CFAP20DC: variants seen among roughly 807,000 people sequenced by gnomAD.
CFAP20DC encodes protein CFAP20DC.
CFAP20DC carries 84 observed loss-of-function variants against 101.7 expected under a neutral mutation model. The observed-to-expected ratio is 0.83, with a 90% CI of 0.69 to 0.99. The LOEUF is 0.99. Among genes scored for constraint, CFAP20DC ranks in the 50% least tolerant of loss-of-function variants. The pLI, the probability that CFAP20DC is intolerant of heterozygous loss-of-function variation, is 0.00. For missense variants in CFAP20DC, 1,007 were observed against 970.3 expected, an observed-to-expected ratio of 1.04 and a Z score of -0.50; for synonymous variants, 359 against 351.2, an observed-to-expected ratio of 1.02 and a Z score of -0.25.
intron 16 of CFAP20DC, among the ~76,000 whole-genome samples, chr3:58,746,532 A>C (rs2068217629): frequency 6.6e-6 from 1 of 152,182 alleles, no homozygotes; most frequent in South Asian, 2.1e-4. Flanking sequence ...GGTCTTTATC[A>C]CCCATTTGCA....
chr3:59,018,137 C>T (rs1005554419), intron 4 of CFAP20DC: 1 of 152,056 alleles, frequency 6.6e-6, no homozygotes, highest in Non-Finnish European at 1.5e-5. Flanking sequence ...GGGAGATACC[C>T]AAACAAAGAT....
At chr3:59,031,055 C>T (rs2093985399) in intron 4 of CFAP20DC, among the ~76,000 whole-genome samples, 1 of 151,472 alleles carries the variant, frequency 6.6e-6, no homozygotes, top group Admixed American at 6.6e-5. Context: ...ATCTCCTGAC[C>T]TCGTGATCCA....
chr3:58,803,910 T>C (rs1277785501), intron 15 of CFAP20DC, among the ~76,000 whole-genome samples: 3 of 152,264 alleles, frequency 2.0e-5, no homozygotes, highest in Non-Finnish European at 4.4e-5. Flanking sequence ...AATTATTTCA[T>C]ATTCTATCTT....
chr3:58,735,371 A>T (rs138655947), intron 3 of CFAP20DC, among the ~76,000 whole-genome samples: 1 of 152,344 alleles, frequency 6.6e-6, no homozygotes, highest in Non-Finnish European at 1.5e-5. Flanking sequence ...GTGATCATCA[A>T]CCACATGGGG....
At chr3:58,956,110 G>A (rs1180417039) in intron 4 of CFAP20DC, among the ~76,000 whole-genome samples, 1 of 151,476 alleles carries the variant, frequency 6.6e-6, no homozygotes, top group East Asian at 2.0e-4. Context: ...CCCAGTTGTA[G>A]TGGCTATGGG....
In CFAP20DC at chr3:58,821,745, C is replaced by T. The variant is rs1210347739; in HGVS notation, c.2175+9941G>A. ...TGTGGAAGTCAGTGTGGCGATTCCTCAGGGATCTAGAACTAGAAATACCAT... is the reference window on the plus strand; with the variant it reads ...TGTGGAAGTCAGTGTGGCGATTCCTTAGGGATCTAGAACTAGAAATACCAT... On this transcript the variant is annotated intron_variant, in intron 14 of 16. Coordinates refer to ENST00000482387, the MANE Select transcript of CFAP20DC (RefSeq NM_001394063.1). 9.3e-5 allele frequency among the ~76,000 whole-genome samples: 14 copies of T among 150,796 alleles called. No homozygotes were observed. In the East Asian group the frequency reaches 2.1e-3, roughly 23 times the overall value.
At chr3:58,767,642 C>T (rs1239091536) in intron 15 of CFAP20DC, among the ~76,000 whole-genome samples, 2 of 152,226 alleles carry the variant, frequency 1.3e-5, no homozygotes, top group African/African-American at 4.8e-5. Flanking sequence ...GATTCTCCCA[C>T]CTCAGCCTCC....
intron 16 of CFAP20DC, among the ~76,000 whole-genome samples, chr3:58,743,334 G>A (rs1386969890): frequency 6.6e-6 from 1 of 151,918 alleles, no homozygotes; most frequent in African/African-American, 2.4e-5. Context: ...GTTCAGTGTT[G>A]TGCTAAGTAC....
chr3:58,960,053 T>A (rs531892033), intron 4 of CFAP20DC, among the ~76,000 whole-genome samples: 210 of 152,344 alleles, frequency 1.4e-3, no homozygotes, highest in African/African-American at 4.8e-3. Flanking sequence ...TCTATGGAGT[T>A]GGCATAAAGT....
rs868261316 is a variant in CFAP20DC, at chr3:58,783,675, C to A, written c.2237+22720G>T. On this transcript the variant is annotated intron_variant, in intron 15 of 16. Transcript: ENST00000482387. ...TTTCAAAAGAAGACATACAAACGGC[C>A]AACAGATATATGAAAAAGTACTGAA... 5.3e-5 allele frequency among the ~76,000 whole-genome samples: 8 copies of A among 151,740 alleles called. No homozygotes were observed. The South Asian group carries it at 1.0e-3, about 20-fold the overall frequency.
At chr3:58,939,997 C>T (rs1409035354) in intron 4 of CFAP20DC, among the ~76,000 whole-genome samples, 1 of 152,112 alleles carries the variant, frequency 6.6e-6, no homozygotes, top group Non-Finnish European at 1.5e-5. Context: ...GAACTACTGA[C>T]CTCAGGTGAT....
chr3:58,945,635 T>C (rs1465217331), intron 4 of CFAP20DC, among the ~76,000 whole-genome samples: 1 of 152,040 alleles, frequency 6.6e-6, no homozygotes, highest in Non-Finnish European at 1.5e-5. Context: ...TGATTGCTGG[T>C]CATCATGAGC....
chr3:59,038,942 T>C (rs1213996874), intron 4 of CFAP20DC, among the ~76,000 whole-genome samples: 1 of 152,070 alleles, frequency 6.6e-6, no homozygotes, highest in South Asian at 2.1e-4. Context: ...TAATTTAAAG[T>C]ATATAAATTT....
rs2079450434 is a variant in CFAP20DC, at chr3:58,863,837, T to C, written c.1314A>G (p.Arg438=). ...ADHISYLASS[R]QSLLLGDDSC... ...AGTCATCACCCAGAAGTAGAGACTG[T>C]CTGCTGGATGCCAGATATGAAATGT... The change falls in exon 12 of 17, where the codon AGA becomes AGG. Residue 438 remains arginine (R), a synonymous_variant. Coordinates refer to ENST00000482387, the MANE Select transcript of CFAP20DC (RefSeq NM_001394063.1). The surrounding 1 kb of genome is among the most constrained non-coding windows in gnomAD (Gnocchi z 5.9). The C allele has an allele frequency of 1.2e-6, 2 of 1,613,984 alleles. No individual in the cohort carries two copies. The highest frequency in any genetic ancestry group is 1.7e-6 in the Non-Finnish European group (2 of 1,179,960).
At chr3:58,790,695 A>G (rs1239268751) in intron 15 of CFAP20DC, among the ~76,000 whole-genome samples, 2 of 152,164 alleles carry the variant, frequency 1.3e-5, no homozygotes, top group Non-Finnish European at 2.9e-5. Context: ...GATTTAAGCA[A>G]TGTACTATAC....
At chr3:58,751,005 C>G (rs181258889) in intron 16 of CFAP20DC, among the ~76,000 whole-genome samples, 1 of 152,030 alleles carries the variant, frequency 6.6e-6, no homozygotes, top group Non-Finnish European at 1.5e-5. Flanking sequence ...AGTCAGATTT[C>G]AATGAATTGC....
chr3:58,763,968 T>C (rs901558959), intron 15 of CFAP20DC, among the ~76,000 whole-genome samples: 1 of 152,288 alleles, frequency 6.6e-6, no homozygotes, highest in African/African-American at 2.4e-5. Context: ...TCCTCCCAGT[T>C]AGGCTACTCA....
chr3:58,881,860 C>A (rs1325949258), intron 7 of CFAP20DC, among the ~76,000 whole-genome samples: 1 of 152,114 alleles, frequency 6.6e-6, no homozygotes, highest in Non-Finnish European at 1.5e-5. Flanking sequence ...GATTAAAAAG[C>A]CTGTCCTTGG....
chr3:58,993,882 G>T (rs1360861829), intron 4 of CFAP20DC, among the ~76,000 whole-genome samples: 7 of 152,158 alleles, frequency 4.6e-5, no homozygotes, highest in Non-Finnish European at 5.9e-5. Flanking sequence ...GAATAGTGCT[G>T]CAATGAGCAT....
Sources: allele counts gnomAD v4.1 joint callset (sites outside exome capture counted in the v4.1 genomes callset), GRCh38; gene constraint gnomAD v4.1.1; non-coding constraint Gnocchi (gnomAD v3.1); transcripts MANE v1.5; gene names NCBI Gene and HGNC (gene_info 2026-07-23, HGNC 2026-07-21).